ZSWIM4: variants seen among roughly 807,000 people sequenced by gnomAD.
The protein encoded by ZSWIM4 is zinc finger SWIM-type containing 4.
A neutral mutation model predicts 102.5 loss-of-function variants in ZSWIM4; 62 were observed. That is an observed-to-expected ratio of 0.60 (90% CI 0.49 to 0.75). The LOEUF is 0.75. Among genes scored for constraint, ZSWIM4 ranks in the 30% least tolerant of loss-of-function variants. The pLI, the probability that ZSWIM4 is intolerant of heterozygous loss-of-function variation, is 0.00. For synonymous variants in ZSWIM4, 652 were observed against 674.5 expected, an observed-to-expected ratio of 0.97 and a Z score of 0.52; for missense variants, 1,280 against 1,529.6, an observed-to-expected ratio of 0.84 and a Z score of 2.72.
chr19:13,806,549 G>A (rs1424385401), intron 3 of ZSWIM4, among the ~76,000 whole-genome samples: 1 of 151,936 alleles, frequency 6.6e-6, no homozygotes, highest in Non-Finnish European at 1.5e-5. Context: ...ACACACGCCT[G>A]TAGATACTTG....
In ZSWIM4 at chr19:13,809,475, A is replaced by T. The variant is rs1178821652; in HGVS notation, c.1012+255A>T. 2.0e-5 allele frequency among the ~76,000 whole-genome samples: 3 copies of T among 152,174 alleles called. No individual in the cohort carries two copies. The highest frequency in any genetic ancestry group is 7.2e-5 in the African/African-American group (3 of 41,446). On this transcript the variant is annotated intron_variant, in intron 5 of 13. Transcript: ENST00000590508. This position sits in a 1 kb window ranked among gnomAD's most constrained non-coding sequence, Gnocchi z 4.2. ...ATGTCATTGGCCCAGGGGTTGATAC[A>T]CACGTACACACGTTTTCTTTGTTTT... is the stretch of plus-strand genomic sequence containing the variant.
chr19:13,812,604 C>T (rs909684953), intron 5 of ZSWIM4, among the ~76,000 whole-genome samples: 1 of 151,352 alleles, frequency 6.6e-6, no homozygotes, highest in Non-Finnish European at 1.5e-5. Flanking sequence ...GGATTACAGG[C>T]ACCCACAATC....
Position 13,817,791 on chromosome 19 carries a change from A to G in ZSWIM4, c.1739A>G (p.Tyr580Cys), listed in dbSNP as rs1568339120. ...VPVPGSPGES[Y>C]LVLALEVALL... ...GTGCCCGGGAGCCCTGGGGAGTCCT[A>G]CTTGGTGCTGGCGCTGGAGGTGGCA... The change falls in exon 9 of 14, where the codon TAC becomes TGC. Residue 580 changes from tyrosine to cysteine, a missense_variant. By Grantham distance (194) the Tyr-to-Cys change is radical. Transcript: ENST00000590508. 6.3e-7 allele frequency: 1 copy of G among 1,596,300 alleles called. No individual in the cohort carries two copies. The highest frequency in any genetic ancestry group is 8.5e-7 in the Non-Finnish European group (1 of 1,172,922).
chr19:13,800,147 A>C (rs765899431), intron 2 of ZSWIM4, among the ~76,000 whole-genome samples: 9 of 141,314 alleles, frequency 6.4e-5, no homozygotes, highest in Non-Finnish European at 1.0e-4. Flanking sequence ...GGCTCACTGC[A>C]AGCTCCGCCT....
In ZSWIM4 at chr19:13,814,668, G is replaced by C. The variant is rs1390580118; in HGVS notation, c.1334G>C (p.Gly445Ala). The change falls in exon 7 of 14, where the codon GGT becomes GCT. Residue 445 changes from glycine to alanine, a missense_variant. By Grantham distance (60) the Gly-to-Ala change is moderately conservative. Coordinates refer to ENST00000590508, the MANE Select transcript of ZSWIM4 (RefSeq NM_001367834.3). ...GGGCCCAGCCTCACAGGCAGCGTGG[G>C]TGGGGACAAACCGACTTTCGACCCC... ...SYGPSLTGSV[G>A]GDKPTFDPQG... 1 of 1,280,218 alleles carries C rather than the reference G, an allele frequency of 7.8e-7. No individual in the cohort carries two copies. The highest frequency in any genetic ancestry group is 1.2e-5 in the South Asian group (1 of 80,170). 79.3% of individuals were successfully genotyped at this position (1,280,218 alleles called of 1,614,324 possible).
intron 1 of ZSWIM4, chr19:13,796,870 G>A (rs542176155): frequency 6.6e-6 from 1 of 152,524 alleles, no homozygotes; most frequent in East Asian, 1.9e-4. Context: ...GGCCTCTCTG[G>A]AGTTAGGAAG....
At chr19:13,814,060 C>CTTTTTTTTTTT (rs869279797) in intron 6 of ZSWIM4, among the ~76,000 whole-genome samples, 1 of 138,164 alleles carries the variant, frequency 7.2e-6, no homozygotes, top group African/African-American at 2.7e-5. Context: ...TACACGCATC[C>CTTTTTTTTTTT]TTTTTTTTTT....
At chr19:13,827,956 A>G (rs748894174) in intron 12 of ZSWIM4, among the ~76,000 whole-genome samples, 3 of 152,186 alleles carry the variant, frequency 2.0e-5, no homozygotes, top group Non-Finnish European at 4.4e-5. Context: ...TTGTTCCGGC[A>G]TAGGATCTAT....
At chr19:13,798,824 C>T (rs1440303888) in intron 1 of ZSWIM4, among the ~76,000 whole-genome samples, 1 of 152,074 alleles carries the variant, frequency 6.6e-6, no homozygotes, top group Non-Finnish European at 1.5e-5. Flanking sequence ...AGTCTCGCTC[C>T]GTGGCCCAGA....
chr19:13,797,156 A>G (rs1974633991), intron 1 of ZSWIM4, among the ~76,000 whole-genome samples: 1 of 152,366 alleles, frequency 6.6e-6, no homozygotes, highest in Admixed American at 6.5e-5. Context: ...ACAGAAGCTC[A>G]TGGAATCCCC....
In ZSWIM4 at chr19:13,808,856, G is replaced by GGC; in HGVS notation, c.736_737dup (p.Gly247GlnfsTer20). 1.2e-6 allele frequency: 2 copies of GGC among 1,608,796 alleles called. No individual in the cohort carries two copies. Among genetic ancestry groups the GGC allele is most frequent in the Non-Finnish European group, 1.7e-6 (2 of 1,177,880 alleles). Reference sequence around the variant, plus strand: ...GGCAGGTGCCCCAGACCCCACCGCCGGCGCAGGAATCGAGGACGCCAACTG... The same window carrying GGC: ...GGCAGGTGCCCCAGACCCCACCGCCGGCGCGCAGGAATCGAGGACGCCAACTG... On this transcript the variant is annotated frameshift_variant, in exon 4 of 14. Transcript: ENST00000590508. LOFTEE classifies it high-confidence loss of function.
intron 2 of ZSWIM4, among the ~76,000 whole-genome samples, chr19:13,800,563 C>A (rs1974743944): frequency 6.6e-6 from 1 of 151,898 alleles, no homozygotes; most frequent in Non-Finnish European, 1.5e-5. Flanking sequence ...CCGCTCCCGG[C>A]CCCATTTTTT....
intron 5 of ZSWIM4, 130 bp from the exon 6 acceptor site, chr19:13,812,867 G>T: frequency 4.1e-6 from 4 of 966,880 alleles, no homozygotes; most frequent in Non-Finnish European, 6.2e-6. Flanking sequence ...TGCAAAGGCT[G>T]CGAGTTGCAA....
intron 2 of ZSWIM4, 144 bp downstream of exon 2, chr19:13,800,065 A>ATTTTTTTTT (rs71170569): frequency 0.058 from 22,020 of 379,002 alleles, 1,953 homozygotes; most frequent in African/African-American, 0.19. Context: ...ATTGTACAAG[A>ATTTTTTTTT]TTTTTTTTTT....
intron 6 of ZSWIM4, among the ~76,000 whole-genome samples, chr19:13,813,765 A>G (rs530652005): frequency 7.8e-4 from 119 of 151,914 alleles, no homozygotes; most frequent in African/African-American, 2.5e-3. Context: ...TACAAAAAAT[A>G]CAAAAATTAG....
chr19:13,807,175 A>G (rs1419240110), intron 3 of ZSWIM4, among the ~76,000 whole-genome samples: 9 of 151,998 alleles, frequency 5.9e-5, no homozygotes, highest in Admixed American at 5.9e-4. Flanking sequence ...TGGATTGGAA[A>G]GATAAAAGGG....
At chr19:13,824,580 A>G (rs180756220) in intron 11 of ZSWIM4, among the ~76,000 whole-genome samples, 16 of 151,718 alleles carry the variant, frequency 1.1e-4, no homozygotes, top group African/African-American at 3.6e-4. Flanking sequence ...AAAAATATGA[A>G]AATTAGCTGG....
At chr19:13,806,233 G>A (rs1489290321) in intron 3 of ZSWIM4, among the ~76,000 whole-genome samples, 1 of 151,234 alleles carries the variant, frequency 6.6e-6, no homozygotes, top group East Asian at 2.1e-4. Context: ...GTAGAGACAG[G>A]GGTTTCCCCA....
chr19:13,820,478 C>T (rs1003107374), intron 10 of ZSWIM4, among the ~76,000 whole-genome samples: 25 of 152,186 alleles, frequency 1.6e-4, no homozygotes, highest in African/African-American at 5.5e-4. Flanking sequence ...TCAAGTGATC[C>T]GCCCACCTTG....
Sources: allele counts gnomAD v4.1 joint callset (sites outside exome capture counted in the v4.1 genomes callset), GRCh38; gene constraint gnomAD v4.1.1; non-coding constraint Gnocchi (gnomAD v3.1); transcripts MANE v1.5; gene names NCBI Gene and HGNC (gene_info 2026-07-23, HGNC 2026-07-21).